The following PLS1 variants were observed in gnomAD, a reference collection of about 807,000 sequenced individuals.
The protein encoded by PLS1 is plastin-1.
A neutral mutation model predicts 73.7 loss-of-function variants in PLS1; 32 were observed. The ratio of observed to expected loss-of-function variants is 0.43; its 90% CI spans 0.33 to 0.58. PLS1 has a LOEUF of 0.58. Among genes scored for constraint, PLS1 ranks in the 20% least tolerant of loss-of-function variants. The pLI, the probability that PLS1 is intolerant of heterozygous loss-of-function variation, is 0.04. For synonymous variants in PLS1, 217 were observed against 261.3 expected (o/e 0.83, Z 1.63); for missense variants, 633 against 740.5 (o/e 0.85, Z 1.68).
At chr3:142,693,677 G>T (rs2038133013) in intron 10 of PLS1, among the ~76,000 whole-genome samples, 1 of 152,098 alleles carries the variant, frequency 6.6e-6, no homozygotes, top group African/African-American at 2.4e-5. Context: ...CTCACTTTGT[G>T]GTATACTATG....
intron 10 of PLS1, 124 bp downstream of exon 10, chr3:142,689,937 C>A: frequency 1.9e-6 from 1 of 519,306 alleles, no homozygotes; most frequent in Non-Finnish European, 3.2e-6. Context: ...GTATGTGTAT[C>A]TATTGAAAAA....
intron 1 of PLS1, among the ~76,000 whole-genome samples, chr3:142,613,621 G>A (rs546609798): frequency 2.0e-5 from 3 of 152,330 alleles, no homozygotes; most frequent in African/African-American, 7.2e-5. Context: ...ATCTAATCTT[G>A]TGGGCAAAGA....
chr3:142,643,619 T>C (rs867617655), intron 1 of PLS1, among the ~76,000 whole-genome samples: 1 of 152,158 alleles, frequency 6.6e-6, no homozygotes, highest in African/African-American at 2.4e-5. Flanking sequence ...GGGGTCCTAG[T>C]ATACATCAAA....
intron 1 of PLS1, among the ~76,000 whole-genome samples, chr3:142,630,726 G>A (rs549930262): frequency 1.3e-5 from 2 of 152,000 alleles, no homozygotes; most frequent in South Asian, 4.2e-4. Flanking sequence ...TCTCCAGTCT[G>A]GGCAACAACA....
At chr3:142,614,432 G>T (rs1331805702) in intron 1 of PLS1, among the ~76,000 whole-genome samples, 1 of 152,190 alleles carries the variant, frequency 6.6e-6, no homozygotes, top group East Asian at 1.9e-4. Flanking sequence ...AGACTTCAAG[G>T]TTCACATGTT....
chr3:142,704,815 AT>A lies in PLS1; in HGVS notation c.1629+245del, dbSNP rs375093448. The stretch of plus-strand genomic sequence containing the variant: ...AGGTGCCCGCCACCACACCCGGCTA[AT>A]TTTTTTTTTTTTTTTGTATTTTTAG... On this transcript the variant is annotated intron_variant, in intron 14 of 15. Transcript: ENST00000457734. 0.09 allele frequency among the ~76,000 whole-genome samples: 12,053 copies of A among 133,384 alleles called. 811 individuals carry two copies. The highest frequency in any genetic ancestry group is 0.2 in the African/African-American group (7,049 of 36,148). 87.5% of individuals were successfully genotyped at this position (133,384 alleles called of 152,430 possible).
chr3:142,632,255 T>A (rs1357529), intron 1 of PLS1, among the ~76,000 whole-genome samples: 4 of 151,850 alleles, frequency 2.6e-5, no homozygotes, highest in Non-Finnish European at 4.4e-5. Context: ...CCCATCACAA[T>A]TTGAAGTAAG....
chr3:142,653,294 C>T (rs1226471752), intron 1 of PLS1, among the ~76,000 whole-genome samples: 1 of 152,012 alleles, frequency 6.6e-6, no homozygotes, highest in East Asian at 1.9e-4. Flanking sequence ...TATTCTTACC[C>T]ACCCCTTTTA....
intron 1 of PLS1, among the ~76,000 whole-genome samples, chr3:142,647,950 G>A (rs1299294103): frequency 6.6e-6 from 1 of 152,212 alleles, no homozygotes; most frequent in African/African-American, 2.4e-5. Context: ...AAGGCTCAGT[G>A]AGAAAGAACT....
At position 142,689,644 on chromosome 3, in the gene PLS1, A is replaced by C. The variant is rs747813980; in HGVS notation, c.1008A>C (p.Gly336=). Residue 336 remains glycine (G), a synonymous_variant, in exon 10 of 16, where the codon GGA becomes GGC. Coordinates refer to ENST00000457734, the MANE Select transcript of PLS1 (RefSeq NM_001145319.2). ...INETNDLKRA[G]LMLQEADKLG... ...AGACAAATGACCTGAAGCGTGCTGG[A>C]CTCATGCTTCAAGAAGCAGATAAAC... 4.4e-6 allele frequency: 7 copies of C among 1,608,414 alleles called. No individual in the cohort carries two copies. The highest frequency in any genetic ancestry group is 3.4e-6 in the Non-Finnish European group (4 of 1,177,612).
intron 9 of PLS1, among the ~76,000 whole-genome samples, chr3:142,687,964 T>C (rs2038007533): frequency 6.6e-6 from 1 of 151,764 alleles, no homozygotes; most frequent in Non-Finnish European, 1.5e-5. Context: ...TTTTTTTTTT[T>C]TTAGATGGAG....
rs530937126 is a variant in PLS1 at position 142,622,024 on chromosome 3, G to A, written c.-37+25515G>A. Among the ~76,000 whole-genome samples the A allele has an allele frequency of 3.9e-5, 6 of 152,286 alleles. No individual in the cohort carries two copies. The South Asian group carries it at 1.2e-3, about 32-fold the overall frequency. ...CTCCAAAATTGACTCTGAGCTTTTG[G>A]ACACACAGGTCCAGTGTTCCAGGTG... On this transcript the variant is annotated intron_variant, in intron 1 of 15. Transcript: ENST00000457734.
At position 142,641,076 on chromosome 3, in the gene PLS1, C is replaced by T. The variant is rs534584086; in HGVS notation, c.-36-23126C>T. 4.0e-5 allele frequency among the ~76,000 whole-genome samples: 6 copies of T among 150,868 alleles called. No homozygotes were observed. In the East Asian group the frequency reaches 5.8e-4, roughly 15 times the overall value. ...TTGAGAGGCTGAGGTGGGAGAATGG[C>T]TTGAGCCCAGGTGTTTGAAGTTGCA... On this transcript the variant is annotated intron_variant, in intron 1 of 15. Coordinates refer to ENST00000457734, the MANE Select transcript of PLS1 (RefSeq NM_001145319.2).
chr3:142,603,784 AT>A (rs1486427708), intron 1 of PLS1, among the ~76,000 whole-genome samples: 2 of 151,114 alleles, frequency 1.3e-5, no homozygotes, highest in Non-Finnish European at 3.0e-5. Context: ...AAAAAAAAAA[AT>A]ACCTACAAGA....
rs140962182 is a variant in PLS1 at position 142,630,938 on chromosome 3, A to AACACACACACACACACACACACACAC, written c.-36-33254_-36-33229dup. On this transcript the variant is annotated intron_variant, in intron 1 of 15. Transcript: ENST00000457734. The stretch of plus-strand genomic sequence containing the variant: ...GAACAGAATAGAGAGCATGTAAATA[A>AACACACACACACACACACACACACAC]ACACACACACACACACACACACACA... 7.9e-3 allele frequency among the ~76,000 whole-genome samples: 1,090 copies of AACACACACACACACACACACACACAC among 137,356 alleles called. 22 individuals are homozygous for AACACACACACACACACACACACACAC. Among genetic ancestry groups the AACACACACACACACACACACACACAC allele is most frequent in the African/African-American group, 0.029 (975 of 33,766 alleles). The allele number at this position is 137,356 out of a possible 152,430, so 90.1% of individuals were successfully genotyped here.
intron 15 of PLS1, 28 bp downstream of exon 15, chr3:142,711,653 A>G: frequency 6.4e-7 from 1 of 1,562,856 alleles, no homozygotes; most frequent in Non-Finnish European, 8.7e-7. Context: ...ATATTACAAT[A>G]CATGGCCCTT....
intron 9 of PLS1, among the ~76,000 whole-genome samples, chr3:142,687,894 CAT>C (rs980345081): frequency 2.6e-5 from 4 of 151,466 alleles, no homozygotes; most frequent in African/African-American, 9.7e-5. Context: ...CCATTTTTTT[CAT>C]AGTTTATTTG....
chr3:142,648,168 A>G lies in PLS1; in HGVS notation c.-36-16034A>G, dbSNP rs544593933. Among the ~76,000 whole-genome samples, 19 of 152,328 alleles carry G rather than the reference A, an allele frequency of 1.2e-4. No individual in the cohort carries two copies. The East Asian group carries it at 3.5e-3, about 28-fold the overall frequency. On this transcript the variant is annotated intron_variant, in intron 1 of 15. Transcript: ENST00000457734. ...TCTGTTCTGAAATGAAATGAGGGCA[A>G]TGAAGGAAAAAATTCATGGTGGAAT...
rs528519280 is a variant in PLS1 at position 142,625,340 on chromosome 3, A to G, written c.-37+28831A>G. Among the ~76,000 whole-genome samples, 4 of 152,190 alleles carry G rather than the reference A, an allele frequency of 2.6e-5. No individual in the cohort carries two copies. The South Asian group carries it at 8.3e-4, about 32-fold the overall frequency. ...AAAAGTTTAGCTACCATTTCTGACT[A>G]TGTTCTTCTATTAGAATTGAGGTTT... On this transcript the variant is annotated intron_variant, in intron 1 of 15. Transcript: ENST00000457734.
Sources: gnomAD v4.1 joint callset for allele counts (sites outside exome capture counted in the v4.1 genomes callset) on GRCh38, gnomAD v4.1.1 for gene constraint, MANE v1.5 for transcripts, NCBI Gene and HGNC (gene_info 2026-07-23, HGNC 2026-07-21) for gene names.